The following PCDH15 variants were observed in gnomAD, a reference collection of about 807,000 sequenced individuals.
PCDH15 encodes protocadherin-15.
A neutral mutation model predicts 178.5 loss-of-function variants in PCDH15; 129 were observed. The ratio of observed to expected loss-of-function variants is 0.72; its 90% CI spans 0.63 to 0.84. PCDH15 has a LOEUF of 0.84. Among genes scored for constraint, PCDH15 ranks in the 40% least tolerant of loss-of-function variants. The probability of loss-of-function intolerance (pLI) is 0.00; values close to 1 mark genes in which losing one functional copy is unlikely to be tolerated. For missense variants in PCDH15, 2,230 were observed against 2,099.9 expected, an observed-to-expected ratio of 1.06 and a Z score of -1.21; for synonymous variants, 800 against 732.0, an observed-to-expected ratio of 1.09 and a Z score of -1.50.
chr10:54,111,594 T>C (rs1278999014), intron 15 of PCDH15, among the ~76,000 whole-genome samples: 1 of 152,136 alleles, frequency 6.6e-6, no homozygotes, highest in Non-Finnish European at 1.5e-5. Flanking sequence ...TGAATAAAAG[T>C]AGGTCTCTAC....
intron 10 of PCDH15, among the ~76,000 whole-genome samples, chr10:54,206,985 C>T (rs116787475): frequency 0.011 from 1,658 of 152,128 alleles, 35 homozygotes; most frequent in African/African-American, 0.038. Flanking sequence ...ATGACCTTTG[C>T]AGACAAGAAG....
chr10:55,292,120 C>A (rs1012272245), intron 1 of PCDH15, among the ~76,000 whole-genome samples: 1 of 152,140 alleles, frequency 6.6e-6, no homozygotes, highest in Non-Finnish European at 1.5e-5. Context: ...AACAGTCCCC[C>A]AAAGTCTTAA....
intron 2 of PCDH15, among the ~76,000 whole-genome samples, chr10:55,477,184 T>C (rs563494183): frequency 3.9e-5 from 6 of 151,944 alleles, no homozygotes; most frequent in African/African-American, 1.2e-4. Context: ...CATTCATTTT[T>C]GGGCATGAAT....
At chr10:55,037,378 C>T (rs1591850368) in intron 2 of PCDH15, among the ~76,000 whole-genome samples, 1 of 151,950 alleles carries the variant, frequency 6.6e-6, no homozygotes, top group African/African-American at 2.4e-5. Flanking sequence ...GGATTACAGG[C>T]GCCGGCTACC....
At chr10:53,865,140 A>G (rs1458662375) in intron 27 of PCDH15, among the ~76,000 whole-genome samples, 1 of 152,172 alleles carries the variant, frequency 6.6e-6, no homozygotes, top group East Asian at 1.9e-4. Context: ...AGAATTTTGT[A>G]TGTTTTTGCA....
chr10:54,844,130 C>A (rs760386328), intron 3 of PCDH15, among the ~76,000 whole-genome samples: 33 of 151,970 alleles, frequency 2.2e-4, no homozygotes, highest in Non-Finnish European at 3.4e-4. Context: ...CTAATTATAT[C>A]TACACAGCCA....
At chr10:54,489,337 G>T (rs939069864) in intron 3 of PCDH15, among the ~76,000 whole-genome samples, 1 of 151,954 alleles carries the variant, frequency 6.6e-6, no homozygotes, top group Non-Finnish European at 1.5e-5. Context: ...AATTTAGTGT[G>T]CCTTTTATAC....
chr10:54,521,353 T>C (rs954048209), intron 3 of PCDH15, among the ~76,000 whole-genome samples: 1 of 152,186 alleles, frequency 6.6e-6, no homozygotes, highest in African/African-American at 2.4e-5. Context: ...TAGAGAATAC[T>C]GATGGGATGC....
At chr10:55,267,878 A>G (rs1355769568) in intron 1 of PCDH15, among the ~76,000 whole-genome samples, 1 of 152,196 alleles carries the variant, frequency 6.6e-6, no homozygotes, top group African/African-American at 2.4e-5. Context: ...CTAAAAATAT[A>G]TTGGTGTCCC....
At chr10:54,109,958 A>G (rs2094986260) in intron 15 of PCDH15, among the ~76,000 whole-genome samples, 1 of 152,232 alleles carries the variant, frequency 6.6e-6, no homozygotes. Flanking sequence ...ATATCACCCC[A>G]AAATATATGT....
Position 53,866,712 on chromosome 10 carries a change from G to A in PCDH15, c.3647C>T (p.Ser1216Phe), listed in dbSNP as rs367721759. 2.5e-6 allele frequency: 4 copies of A among 1,613,492 alleles called. No homozygotes were observed. The highest frequency in any genetic ancestry group is 3.4e-6 in the Non-Finnish European group (4 of 1,179,692). The change falls in exon 27 of 38, where the codon TCC becomes TTC. Residue 1216 changes from serine (S) to phenylalanine (F), a missense_variant. Transcript: ENST00000644397. ...TGCAATAACTTGAAACTTGAAGTAGGATCTCCTCATATTATGGAAGAGCAT... is the reference window on the plus strand; with the variant it reads ...TGCAATAACTTGAAACTTGAAGTAGAATCTCCTCATATTATGGAAGAGCAT... ...TAMLFHNMRR[S>F]YFKFQVIATD...
intron 26 of PCDH15, among the ~76,000 whole-genome samples, chr10:53,886,082 C>T (rs11003908): frequency 0.11 from 16,669 of 151,928 alleles, 2,102 homozygotes; most frequent in African/African-American, 0.3. Flanking sequence ...AGATTACTAT[C>T]ATCTTACAGG....
intron 6 of PCDH15, among the ~76,000 whole-genome samples, chr10:54,340,122 T>C (rs1360450149): frequency 6.6e-6 from 1 of 152,198 alleles, no homozygotes; most frequent in East Asian, 1.9e-4. Flanking sequence ...TAGAAGAAGA[T>C]ATTTACTAAA....
intron 3 of PCDH15, among the ~76,000 whole-genome samples, chr10:54,417,412 G>T (rs1954598625): frequency 6.6e-6 from 1 of 151,904 alleles, no homozygotes; most frequent in Admixed American, 6.6e-5. Context: ...CAAGAGAAAA[G>T]AAGTTATTTA....
chr10:53,913,743 CA>C (rs547274977), intron 25 of PCDH15, among the ~76,000 whole-genome samples: 6 of 131,416 alleles, frequency 4.6e-5, no homozygotes, highest in Non-Finnish European at 9.7e-5. Flanking sequence ...GACTCTGTCT[CA>C]AAAAAAAACC....
intron 2 of PCDH15, among the ~76,000 whole-genome samples, chr10:55,589,081 C>CAAAAAAAA (rs35940637): frequency 3.7e-5 from 3 of 81,146 alleles, no homozygotes; most frequent in Non-Finnish European, 4.9e-5. Flanking sequence ...AATTCCGTGT[C>CAAAAAAAA]AAAAAAAAAA....
At chr10:54,151,812 G>A (rs1334031520) in intron 14 of PCDH15, among the ~76,000 whole-genome samples, 2 of 152,046 alleles carry the variant, frequency 1.3e-5, no homozygotes, top group East Asian at 1.9e-4. Flanking sequence ...CACTGAACTA[G>A]CTTATTTAAA....
intron 2 of PCDH15, among the ~76,000 whole-genome samples, chr10:55,525,177 T>C (rs953320329): frequency 4.6e-5 from 7 of 151,846 alleles, no homozygotes; most frequent in Non-Finnish European, 1.0e-4. Context: ...CAGAAAGGTA[T>C]AGGCAAGAGT....
At chr10:54,174,697 C>CTT (rs754597400) in intron 13 of PCDH15, among the ~76,000 whole-genome samples, 9 of 70,796 alleles carry the variant, frequency 1.3e-4, no homozygotes, top group African/African-American at 6.2e-4. Context: ...TTTTCTTTTT[C>CTT]TTTTCTTTTT....
Sources: gnomAD v4.1 joint callset for allele counts (sites outside exome capture counted in the v4.1 genomes callset) on GRCh38, gnomAD v4.1.1 for gene constraint, MANE v1.5 for transcripts, NCBI Gene and HGNC (gene_info 2026-07-23, HGNC 2026-07-21) for gene names.